The following CRHBP variants were observed in gnomAD, a reference collection of about 807,000 sequenced individuals.
CRHBP encodes corticotropin releasing hormone binding protein.
Under a neutral mutation model 34.9 loss-of-function variants are expected in CRHBP, and 19 were observed. The observed-to-expected ratio is 0.55, with a 90% CI of 0.38 to 0.80. The LOEUF (loss-of-function observed/expected upper bound fraction) is 0.80. Ranked by LOEUF, CRHBP falls within the 30% of genes least tolerant of loss-of-function variation. CRHBP has a pLI of 0.00. For synonymous variants in CRHBP, 154 were observed against 153.4 expected, an observed-to-expected ratio of 1.00 and a Z score of -0.03; for missense variants, 328 against 409.2, an observed-to-expected ratio of 0.80 and a Z score of 1.71.
rs1217039736 is a variant in CRHBP, at chr5:76,975,825, AAT to A, written n.312-520_312-519del. ...TCTCAAAAAAAAAAAAAAAAAAAAA[AAT>A]ATATATATATATATATATACACGCA... is the stretch of plus-strand genomic sequence containing the variant. On this transcript the variant is annotated intron_variant and non_coding_transcript_variant, in intron 2 of 3. Transcript: ENST00000514258. 5.0e-3 allele frequency among the ~76,000 whole-genome samples: 307 copies of A among 61,844 alleles called. 8 individuals are homozygous for A. Among genetic ancestry groups the A allele is most frequent in the African/African-American group, 5.8e-3 (64 of 10,978 alleles). The allele number at this position is 61,844 out of a possible 152,430, so 40.6% of individuals were successfully genotyped here. A position where few individuals can be genotyped will look rare whatever the true frequency, so the allele number is the denominator to read the frequency against.
downstream of CRHBP, among the ~76,000 whole-genome samples, chr5:76,971,727 A>G (rs995518369): frequency 2.6e-5 from 4 of 152,334 alleles, no homozygotes; most frequent in East Asian, 7.7e-4. Flanking sequence ...AGGAATTTGA[A>G]TAGCTCTTGT....
chr5:76,967,159 T>C (rs1420193228), intron 6 of CRHBP, among the ~76,000 whole-genome samples: 3 of 152,084 alleles, frequency 2.0e-5, no homozygotes, highest in African/African-American at 7.2e-5. Flanking sequence ...GGAGAATTAC[T>C]TGAACCTGGG....
At position 76,968,979 on chromosome 5, in the gene CRHBP, A is replaced by G. The variant is rs1745904153; in HGVS notation, c.*94A>G. ...ATGCACAACTAGTTAAAAGCCTTTC[A>G]TACCAGTCAGTATTCCCAGCCTTGA... On this transcript the variant is annotated 3_prime_UTR_variant, in exon 7 of 7. Transcript: ENST00000274368. The G allele has an allele frequency of 2.1e-6, 3 of 1,441,900 alleles. No homozygotes were observed. The highest frequency in any genetic ancestry group is 2.8e-6 in the Non-Finnish European group (3 of 1,053,932). The allele number at this position is 1,441,900 out of a possible 1,614,324, so 89.3% of individuals were successfully genotyped here.
intron 5 of CRHBP, among the ~76,000 whole-genome samples, chr5:76,962,469 G>C (rs1300556576): frequency 6.6e-6 from 1 of 151,808 alleles, no homozygotes; most frequent in Non-Finnish European, 1.5e-5. Context: ...GGATTGCTAT[G>C]GACAAGACAG....
At chr5:76,968,670 T>C in intron 6 of CRHBP, 58 bp from the exon 7 acceptor site, 1 of 1,528,536 alleles carries the variant, frequency 6.5e-7, no homozygotes, top group Non-Finnish European at 8.9e-7. Flanking sequence ...GTCATTTAAA[T>C]GATGACTGTG....
At chr5:76,953,918 G>A (rs1745620147) in intron 2 of CRHBP, 111 bp from the exon 3 acceptor site, 3 of 1,354,070 alleles carry the variant, frequency 2.2e-6, no homozygotes, top group East Asian at 4.8e-5. Flanking sequence ...GGAAGTCGGG[G>A]CGCTGGGCAC....
chr5:76,959,868 A>G (rs1167271141), intron 5 of CRHBP, among the ~76,000 whole-genome samples: 1 of 152,138 alleles, frequency 6.6e-6, no homozygotes, highest in Non-Finnish European at 1.5e-5. Flanking sequence ...AGGTGTGAGC[A>G]CAGACTGGGA....
intron 4 of CRHBP, among the ~76,000 whole-genome samples, chr5:76,956,071 T>C (rs1472523017): frequency 1.3e-5 from 2 of 152,212 alleles, no homozygotes; most frequent in Non-Finnish European, 2.9e-5. Flanking sequence ...TTAGGTAGTA[T>C]ACTAATTTAT....
At chr5:76,973,512 C>T (rs1745978002), downstream of CRHBP, among the ~76,000 whole-genome samples, 1 of 152,222 alleles carries the variant, frequency 6.6e-6, no homozygotes, top group East Asian at 1.9e-4. Flanking sequence ...ATAACTCCTG[C>T]TATTGGATTC....
chr5:76,971,831 G>C (rs1180454999), downstream of CRHBP, among the ~76,000 whole-genome samples: 1 of 152,112 alleles, frequency 6.6e-6, no homozygotes, highest in African/African-American at 2.4e-5. Context: ...TTCAGATCTT[G>C]GTTATTTCAT....
intron 3 of CRHBP, chr5:76,980,897 A>G (rs950343843): frequency 2.0e-5 from 3 of 152,200 alleles, no homozygotes; most frequent in African/African-American, 7.2e-5. Flanking sequence ...AAGCTGTTGC[A>G]AAATCTTTGT....
chr5:76,973,148 A>G (rs1156265041), downstream of CRHBP, among the ~76,000 whole-genome samples: 1 of 152,232 alleles, frequency 6.6e-6, no homozygotes, highest in Non-Finnish European at 1.5e-5. Context: ...CCACTGAGAT[A>G]AATATATATA....
At chr5:76,964,408 T>G (rs112583727) in intron 6 of CRHBP, among the ~76,000 whole-genome samples, 28 of 152,344 alleles carry the variant, frequency 1.8e-4, no homozygotes, top group African/African-American at 5.8e-4. Context: ...GATCAGCTGT[T>G]ACCTGTAATA....
intron 4 of CRHBP, among the ~76,000 whole-genome samples, chr5:76,956,858 A>G (rs543660584): frequency 6.6e-6 from 1 of 152,374 alleles, no homozygotes; most frequent in East Asian, 1.9e-4. Context: ...GTAACACTTC[A>G]TGCGGCTGAA....
At chr5:76,955,147 T>C (rs32897) in intron 3 of CRHBP, among the ~76,000 whole-genome samples, 31,692 of 152,124 alleles carry the variant, frequency 0.21, 3,632 homozygotes, top group African/African-American at 0.3. Flanking sequence ...AAGTAATATG[T>C]GATGATATTT....
rs1180381705 is a variant in CRHBP, at chr5:76,954,092, A to T, written c.239A>T (p.His80Leu). 3 of 1,613,840 alleles carry T rather than the reference A, an allele frequency of 1.9e-6. No individual in the cohort carries two copies. The South Asian group carries it at 3.3e-5, about 18-fold the overall frequency. Residue 80 changes from histidine to leucine, a missense_variant, in exon 3 of 7, where the codon CAC (histidine) becomes CTC (leucine). Physicochemically the swap from His to Leu is moderately conservative, Grantham distance 99. This residue lies in a region of CRHBP where 173 missense variants were observed against 172.2 expected (regional missense o/e 1.00). Transcript: ENST00000274368. Reference protein sequence around the residue: ...FTFTADRPQLHCAAFFISEPE... With the variant: ...FTFTADRPQLLCAAFFISEPE... ...TTCACCGCCGACCGGCCGCAGCTGCACTGCGCAGCCTTCTTCATCAGCGAG... is the reference window on the plus strand; with the variant it reads ...TTCACCGCCGACCGGCCGCAGCTGCTCTGCGCAGCCTTCTTCATCAGCGAG...
At chr5:76,974,011 TAGAC>T (rs1745984748), downstream of CRHBP, among the ~76,000 whole-genome samples, 1 of 150,028 alleles carries the variant, frequency 6.7e-6, no homozygotes, top group Admixed American at 6.7e-5. Flanking sequence ...TTATTATTTT[TAGAC>T]AGGGTCTCAC....
At chr5:76,958,548 C>G (rs1316182936) in intron 4 of CRHBP, 193 bp from the exon 5 acceptor site, 4 of 556,650 alleles carry the variant, frequency 7.2e-6, no homozygotes, top group African/African-American at 1.9e-5. Context: ...TGACAATATC[C>G]ACGTGTCACT....
chr5:76,977,300 C>T (rs753036651), intron 3 of CRHBP, among the ~76,000 whole-genome samples: 2 of 152,158 alleles, frequency 1.3e-5, no homozygotes, highest in Non-Finnish European at 2.9e-5. Flanking sequence ...TTTTATTGCA[C>T]TTCACTTTAT....
Sources: gnomAD v4.1 joint callset for allele counts (sites outside exome capture counted in the v4.1 genomes callset) on GRCh38, gnomAD v4.1.1 for gene constraint, gnomAD v4.1.1 regional missense constraint, MANE v1.5 for transcripts, NCBI Gene and HGNC (gene_info 2026-07-23, HGNC 2026-07-21) for gene names.